The following CHIC1 variants were observed in gnomAD, a reference collection of about 807,000 sequenced individuals.
CHIC1 encodes cysteine rich hydrophobic domain 1.
CHIC1 carries 7 observed loss-of-function variants against 18.5 expected under a neutral mutation model. That is an observed-to-expected ratio of 0.38 (90% CI 0.22 to 0.71). CHIC1 has a LOEUF of 0.71. Ranked by LOEUF, CHIC1 falls within the 30% of genes least tolerant of loss-of-function variation. The probability of loss-of-function intolerance (pLI) is 0.49; values close to 1 mark genes in which losing one functional copy is unlikely to be tolerated. For missense variants in CHIC1, 159 were observed against 176.9 expected (o/e 0.90, Z 0.57); for synonymous variants, 77 against 73.5 (o/e 1.05, Z -0.25).
chrX:73,596,479 T>C (rs909981740), intron 3 of CHIC1, among the ~76,000 whole-genome samples: 1 of 111,558 alleles, frequency 9.0e-6, no homozygotes, highest in Non-Finnish European at 1.9e-5. Flanking sequence ...TTCAATGATA[T>C]CCCCATCAAG....
intron 3 of CHIC1, among the ~76,000 whole-genome samples, chrX:73,631,635 A>G (rs773855601): frequency 3.6e-5 from 4 of 111,536 alleles, no homozygotes; most frequent in Non-Finnish European, 7.5e-5. Context: ...CTCAAAAAAA[A>G]AAAAAGTTAT....
At chrX:73,672,899 G>A (rs1335503099) in intron 3 of CHIC1, among the ~76,000 whole-genome samples, 7 of 111,781 alleles carry the variant, frequency 6.3e-5, no homozygotes, top group Non-Finnish European at 1.1e-4. Context: ...ATGGTTTTAG[G>A]TCTAACATGT....
chrX:73,571,947 G>T (rs1224816857), intron 1 of CHIC1, among the ~76,000 whole-genome samples: 4 of 110,372 alleles, frequency 3.6e-5, no homozygotes, highest in African/African-American at 1.3e-4. Context: ...TTCCTGCATA[G>T]AGGTTTTTTT....
chrX:73,672,439 T>A (rs1346930636), intron 3 of CHIC1, among the ~76,000 whole-genome samples: 1 of 111,961 alleles, frequency 8.9e-6, no homozygotes, highest in African/African-American at 3.3e-5. Context: ...TGTTGTTTCC[T>A]GACTTTTTAA....
chrX:73,635,790 T>C (rs758014246), intron 3 of CHIC1, among the ~76,000 whole-genome samples: 2 of 112,218 alleles, frequency 1.8e-5, no homozygotes, highest in African/African-American at 3.2e-5. Flanking sequence ...GTTTATCTTT[T>C]TCAATAACTA....
intron 3 of CHIC1, among the ~76,000 whole-genome samples, chrX:73,651,081 C>G (rs900061844): frequency 4.5e-5 from 5 of 111,811 alleles, no homozygotes; most frequent in African/African-American, 1.6e-4. Context: ...GAACCAAAGA[C>G]AAAAACCACA....
rs1402517250 is a variant in CHIC1, at chrX:73,684,622, T to C, written c.*3617T>C. 9.0e-6 allele frequency: 1 copy of C among 111,362 alleles called. No homozygotes were observed. The highest frequency in any genetic ancestry group is 1.9e-5 in the Non-Finnish European group (1 of 52,867). The allele number at this position is 111,362 out of a possible 1,213,427, so 9.2% of individuals were successfully genotyped here. A position where few individuals can be genotyped will look rare whatever the true frequency, so the allele number is the denominator to read the frequency against. On this transcript the variant is annotated 3_prime_UTR_variant, in exon 6 of 6. Coordinates refer to ENST00000373502, the MANE Select transcript of CHIC1 (RefSeq NM_001039840.4). ...GCAGTTTCACATAGTAGAAATACTT[T>C]TTGCTAATTTGATTATAAGTGCTCA...
chrX:73,677,441 G>A, intron 3 of CHIC1, among the ~76,000 whole-genome samples: 1 of 111,706 alleles, frequency 9.0e-6, no homozygotes, highest in Non-Finnish European at 1.9e-5. Flanking sequence ...AGCAATGGCA[G>A]GCACCCCTCC....
chrX:73,681,930 G>T lies in CHIC1; in HGVS notation c.*925G>T, dbSNP rs1043407373. The T allele has an allele frequency of 9.0e-6, 1 of 111,692 alleles. No individual in the cohort carries two copies. Among genetic ancestry groups the T allele is most frequent in the African/African-American group, 3.2e-5 (1 of 30,830 alleles). 9.2% of individuals were successfully genotyped at this position (111,692 alleles called of 1,213,427 possible). A position where few individuals can be genotyped will look rare whatever the true frequency, so the allele number is the denominator to read the frequency against. ...TATTTGACATCTGACACATTTCACA[G>T]TCTCACTATCCTGCATTTATTAGCC... On this transcript the variant is annotated 3_prime_UTR_variant, in exon 6 of 6. Coordinates refer to ENST00000373502, the MANE Select transcript of CHIC1 (RefSeq NM_001039840.4).
At chrX:73,674,895 C>A (rs1169964791) in intron 3 of CHIC1, among the ~76,000 whole-genome samples, 1 of 111,859 alleles carries the variant, frequency 8.9e-6, no homozygotes, top group Non-Finnish European at 1.9e-5. Flanking sequence ...TCCCTCTACA[C>A]ACTGCTTTGA....
chrX:73,670,859 G>T (rs770138672), intron 3 of CHIC1, among the ~76,000 whole-genome samples: 4 of 111,572 alleles, frequency 3.6e-5, no homozygotes, highest in African/African-American at 6.5e-5. Context: ...GTTTTATTCT[G>T]TGGTGGTCTG....
At chrX:73,644,328 G>T (rs1036144861) in intron 3 of CHIC1, among the ~76,000 whole-genome samples, 1 of 112,392 alleles carries the variant, frequency 8.9e-6, no homozygotes, top group African/African-American at 3.2e-5. Flanking sequence ...CTGCTCGGGG[G>T]TCAGGGACCC....
At chrX:73,656,705 C>T (rs1164534744) in intron 3 of CHIC1, among the ~76,000 whole-genome samples, 1 of 111,965 alleles carries the variant, frequency 8.9e-6, no homozygotes, top group African/African-American at 3.3e-5. Context: ...TTACTGTAGC[C>T]TTGTAGTATA....
At chrX:73,619,951 T>C (rs142141969) in intron 3 of CHIC1, among the ~76,000 whole-genome samples, 5,295 of 110,959 alleles carry the variant, frequency 0.048, 323 homozygotes, top group African/African-American at 0.16. Context: ...AGTGAGAACA[T>C]GCGGTGTTTG....
At chrX:73,610,313 G>A (rs776515049) in intron 3 of CHIC1, among the ~76,000 whole-genome samples, 1 of 109,101 alleles carries the variant, frequency 9.2e-6, no homozygotes, top group Non-Finnish European at 1.9e-5. Context: ...TCCCTTGGCT[G>A]GGAGAGGGAG....
chrX:73,626,601 T>C (rs2057784691), intron 3 of CHIC1, among the ~76,000 whole-genome samples: 1 of 110,876 alleles, frequency 9.0e-6, no homozygotes, highest in African/African-American at 3.3e-5. Flanking sequence ...TTCTTCAGTA[T>C]GCCAATTGCT....
chrX:73,606,263 C>T (rs2057683300), intron 3 of CHIC1, among the ~76,000 whole-genome samples: 1 of 106,176 alleles, frequency 9.4e-6, no homozygotes, highest in Non-Finnish European at 1.9e-5. Flanking sequence ...CTTTCTTCCG[C>T]TTGATTGATT....
At chrX:73,620,576 G>A (rs1487861818) in intron 3 of CHIC1, among the ~76,000 whole-genome samples, 1 of 111,906 alleles carries the variant, frequency 8.9e-6, no homozygotes, top group Non-Finnish European at 1.9e-5. Context: ...ATTTGTTTAA[G>A]TTCCTTGTAG....
At chrX:73,582,964 A>G (rs2057534723) in intron 2 of CHIC1, among the ~76,000 whole-genome samples, 1 of 110,888 alleles carries the variant, frequency 9.0e-6, no homozygotes, top group Non-Finnish European at 1.9e-5. Flanking sequence ...TTTCAATTAT[A>G]AGGCAAGGCT....
Sources: gnomAD v4.1 joint callset for allele counts (sites outside exome capture counted in the v4.1 genomes callset) on GRCh38, gnomAD v4.1.1 for gene constraint, MANE v1.5 for transcripts, NCBI Gene and HGNC (gene_info 2026-07-23, HGNC 2026-07-21) for gene names.